Variants in TBC1D19 observed in about 807,000 individuals in gnomAD.
The protein encoded by TBC1D19 is TBC1 domain family member 19.
A neutral mutation model predicts 89.0 loss-of-function variants in TBC1D19; 60 were observed. The observed-to-expected ratio is 0.67, with a 90% CI of 0.55 to 0.84. The LOEUF is 0.84. Among genes scored for constraint, TBC1D19 ranks in the 40% least tolerant of loss-of-function variants. The pLI is 0.00. For missense variants in TBC1D19, 500 were observed against 610.8 expected, an observed-to-expected ratio of 0.82 and a Z score of 1.91; for synonymous variants, 189 against 199.7, an observed-to-expected ratio of 0.95 and a Z score of 0.45.
the TBC1D19 span, among the ~76,000 whole-genome samples, chr4:26,787,332 G>A: frequency 6.6e-6 from 1 of 151,964 alleles, no homozygotes; most frequent in Non-Finnish European, 1.5e-5. Context: ...AAACTCCTGA[G>A]CTCGGGCAAT....
At chr4:26,654,420 T>C (rs566100002) in intron 7 of TBC1D19, among the ~76,000 whole-genome samples, 1 of 152,332 alleles carries the variant, frequency 6.6e-6, no homozygotes, top group South Asian at 2.1e-4. Flanking sequence ...AATGTTGGCC[T>C]GCCTTGCTAG....
chr4:26,622,584 C>T (rs1032667610), intron 4 of TBC1D19, among the ~76,000 whole-genome samples: 1 of 152,100 alleles, frequency 6.6e-6, no homozygotes, highest in Admixed American at 6.6e-5. Flanking sequence ...TCCAACCTGC[C>T]ACCTATTTTT....
chr4:26,749,124 A>G (rs757099403), intron 19 of TBC1D19, among the ~76,000 whole-genome samples: 5 of 152,208 alleles, frequency 3.3e-5, no homozygotes, highest in Non-Finnish European at 5.9e-5. Context: ...TTTATTTAAT[A>G]ATTAAGCAGT....
intron 13 of TBC1D19, among the ~76,000 whole-genome samples, chr4:26,704,723 C>A (rs1365510810): frequency 1.3e-5 from 2 of 151,902 alleles, no homozygotes; most frequent in Non-Finnish European, 2.9e-5. Context: ...AAATTCTATG[C>A]AAATATAGAT....
At chr4:26,735,176 A>G (rs1197997421) in intron 15 of TBC1D19, among the ~76,000 whole-genome samples, 2 of 151,442 alleles carry the variant, frequency 1.3e-5, no homozygotes, top group Non-Finnish European at 3.0e-5. Context: ...ATGTACACAT[A>G]TATACACGTA....
intron 1 of TBC1D19, among the ~76,000 whole-genome samples, chr4:26,604,749 C>T (rs552057810): frequency 1.3e-5 from 2 of 151,712 alleles, no homozygotes; most frequent in South Asian, 4.2e-4. Flanking sequence ...GGCATGGTGG[C>T]GGGTGCCTGT....
At chr4:26,847,758 G>C in the TBC1D19 span, among the ~76,000 whole-genome samples, 2 of 152,310 alleles carry the variant, frequency 1.3e-5, no homozygotes, top group East Asian at 3.9e-4. Context: ...CAATAACCCA[G>C]GCAAGAGTTG....
the TBC1D19 span, among the ~76,000 whole-genome samples, chr4:26,824,316 A>G: frequency 8.9e-4 from 135 of 152,378 alleles, no homozygotes; most frequent in Non-Finnish European, 1.3e-3. Flanking sequence ...CGTTCTTATT[A>G]AGACAACTGC....
chr4:26,600,517 G>GT (rs1740518029), intron 1 of TBC1D19, among the ~76,000 whole-genome samples: 1 of 152,208 alleles, frequency 6.6e-6, no homozygotes, highest in Non-Finnish European at 1.5e-5. Flanking sequence ...AGAAGGTCAT[G>GT]TAGGGTTGAA....
intron 1 of TBC1D19, among the ~76,000 whole-genome samples, chr4:26,610,544 C>T (rs113579520): frequency 0.023 from 3,451 of 150,928 alleles, 118 homozygotes; most frequent in African/African-American, 0.078. Flanking sequence ...CAGATTATTT[C>T]GTCACCCAGA....
the TBC1D19 span, among the ~76,000 whole-genome samples, chr4:26,827,044 C>T: frequency 1.3e-5 from 2 of 152,084 alleles, no homozygotes; most frequent in Non-Finnish European, 1.5e-5. Context: ...TTTATTGAAT[C>T]GTATCATGGA....
At chr4:26,688,726 G>A (rs921390041) in intron 13 of TBC1D19, among the ~76,000 whole-genome samples, 1 of 152,032 alleles carries the variant, frequency 6.6e-6, no homozygotes, top group Non-Finnish European at 1.5e-5. Flanking sequence ...ATTCCAAGAT[G>A]TTTGGAGAAA....
chr4:26,615,684 A>G (rs1389138089), intron 3 of TBC1D19, among the ~76,000 whole-genome samples: 2 of 152,272 alleles, frequency 1.3e-5, no homozygotes, highest in South Asian at 4.1e-4. Flanking sequence ...CTTTGCTCAA[A>G]TCCATCTTCC....
chr4:26,599,937 T>C (rs1444851480), intron 1 of TBC1D19, among the ~76,000 whole-genome samples: 1 of 99,366 alleles, frequency 1.0e-5, no homozygotes, highest in Non-Finnish European at 1.8e-5. Flanking sequence ...GACAAAGCAA[T>C]ACTCTGTCTC....
At chr4:26,754,133 G>A (rs1392064173) in intron 20 of TBC1D19, 3 of 413,576 alleles carry the variant, frequency 7.3e-6, no homozygotes, top group Non-Finnish European at 1.3e-5. Flanking sequence ...TAACCATATG[G>A]GAAACCAGAT....
chr4:26,772,749 G>A, the TBC1D19 span, among the ~76,000 whole-genome samples: 7 of 152,264 alleles, frequency 4.6e-5, no homozygotes, highest in Non-Finnish European at 1.0e-4. Flanking sequence ...AGTTTGCTGA[G>A]AATAATGGCT....
At chr4:26,817,238 G>A in the TBC1D19 span, among the ~76,000 whole-genome samples, 1 of 152,132 alleles carries the variant, frequency 6.6e-6, no homozygotes, top group Non-Finnish European at 1.5e-5. Context: ...ACTGAATGCT[G>A]CCTGGCTATC....
chr4:26,614,278 A>G lies in TBC1D19; in HGVS notation c.173-130A>G, dbSNP rs1351147812. The G allele has an allele frequency of 8.2e-6, 5 of 609,764 alleles. No homozygotes were observed. The Admixed American group carries it at 1.3e-4, about 15-fold the overall frequency. The allele number at this position is 609,764 out of a possible 1,614,324, so 37.8% of individuals were successfully genotyped here. On this transcript the variant is annotated intron_variant, in intron 2 of 20. Coordinates refer to ENST00000264866, the MANE Select transcript of TBC1D19 (RefSeq NM_018317.4). ...ATCTTTAATAACGCTTTACATAGGG[A>G]TTGGCAGTTGACAAAATTCTTTCAC...
chr4:26,848,983 C>T, the TBC1D19 span, among the ~76,000 whole-genome samples: 110 of 152,090 alleles, frequency 7.2e-4, 1 homozygote, highest in South Asian at 4.6e-3. Context: ...GCTTGGGTCC[C>T]GGAGTTTGAG....
Sources: allele counts gnomAD v4.1 joint callset (sites outside exome capture counted in the v4.1 genomes callset), GRCh38; gene constraint gnomAD v4.1.1; transcripts MANE v1.5; gene names NCBI Gene and HGNC (gene_info 2026-07-23, HGNC 2026-07-21).